Variants in CPEB3 observed in about 807,000 individuals in gnomAD.
CPEB3 encodes cytoplasmic polyadenylation element binding protein 3.
Under a neutral mutation model 67.2 loss-of-function variants are expected in CPEB3, and 20 were observed. That is an observed-to-expected ratio of 0.30 (90% CI 0.21 to 0.43). CPEB3 has a LOEUF of 0.43. CPEB3 is among the 20% of genes least tolerant of loss of function. The pLI is 1.00. For missense variants in CPEB3, 746 were observed against 968.6 expected, an observed-to-expected ratio of 0.77 and a Z score of 3.05; for synonymous variants, 376 against 393.1, an observed-to-expected ratio of 0.96 and a Z score of 0.51.
intron 1 of CPEB3, among the ~76,000 whole-genome samples, chr10:92,262,798 G>A (rs1852863944): frequency 6.6e-6 from 1 of 152,136 alleles, no homozygotes; most frequent in African/African-American, 2.4e-5. Flanking sequence ...TAAATAATTA[G>A]AATCATAAAA....
chr10:92,242,152 A>G (rs1288513849), intron 1 of CPEB3, among the ~76,000 whole-genome samples: 2 of 152,216 alleles, frequency 1.3e-5, no homozygotes, highest in African/African-American at 2.4e-5. Context: ...CTTTTATTTC[A>G]AAGTTTCATA....
chr10:92,249,840 G>A (rs191848063), intron 1 of CPEB3, among the ~76,000 whole-genome samples: 15 of 151,490 alleles, frequency 9.9e-5, no homozygotes, highest in Admixed American at 2.6e-4. Flanking sequence ...GGTCAACATG[G>A]TGAAACCCTG....
intron 2 of CPEB3, among the ~76,000 whole-genome samples, chr10:92,208,176 G>A (rs1252997726): frequency 6.6e-6 from 1 of 152,204 alleles, no homozygotes; most frequent in Non-Finnish European, 1.5e-5. Flanking sequence ...TTTGTAGCCT[G>A]AGTATGCTAG....
chr10:92,049,767 A>G lies in CPEB3; in HGVS notation c.*2445T>C, dbSNP rs1852223746. On this transcript the variant is annotated 3_prime_UTR_variant, in exon 10 of 10. Coordinates refer to ENST00000265997, the MANE Select transcript of CPEB3 (RefSeq NM_014912.5). ...AATCTCAGTGTTATTTTAATACATG[A>G]AAGAGGGGTGCTTCTTCAAAAAGTT... The G allele has an allele frequency of 6.6e-6, 1 of 152,604 alleles. No individual in the cohort carries two copies. Among genetic ancestry groups the G allele is most frequent in the South Asian group, 2.1e-4 (1 of 4,826 alleles). The allele number at this position is 152,604 out of a possible 1,614,324, so 9.5% of individuals were successfully genotyped here.
intron 9 of CPEB3, among the ~76,000 whole-genome samples, chr10:92,080,169 TGCACTCCAGCCTG>T (rs1843088256): frequency 2.7e-5 from 4 of 149,200 alleles, no homozygotes; most frequent in African/African-American, 1.0e-4. Flanking sequence ...ATTGCGCCAC[TGCACTCCAGCCTG>T]GGTGACTGAG....
chr10:92,057,274 G>A (rs946150400), intron 9 of CPEB3, among the ~76,000 whole-genome samples: 1 of 152,192 alleles, frequency 6.6e-6, no homozygotes, highest in Non-Finnish European at 1.5e-5. Context: ...TACTTACCAC[G>A]AGCTGACTTA....
At chr10:92,126,124 T>C (rs1845599993) in intron 6 of CPEB3, among the ~76,000 whole-genome samples, 1 of 152,168 alleles carries the variant, frequency 6.6e-6, no homozygotes, top group Non-Finnish European at 1.5e-5. Flanking sequence ...GTCAATCAAA[T>C]TCCCTCTCTC....
At chr10:92,290,418 G>C (rs754875475) in intron 1 of CPEB3, among the ~76,000 whole-genome samples, 4 of 151,938 alleles carry the variant, frequency 2.6e-5, no homozygotes, top group African/African-American at 7.3e-5. Context: ...ACCAGCAGCA[G>C]AGAGAGAAAC....
chr10:92,189,146 C>T (rs781726624), intron 3 of CPEB3, among the ~76,000 whole-genome samples: 15 of 152,184 alleles, frequency 9.9e-5, no homozygotes, highest in Non-Finnish European at 1.9e-4. Context: ...TCTTAAAGTA[C>T]TAGATATCCT....
chr10:92,051,494 G>C lies in CPEB3; in HGVS notation c.*718C>G, dbSNP rs927939564. ...TATCCTAGCCTGAATAGAGTATTAT[G>C]GTATTAATAATACCATTTTAATAGC... On this transcript the variant is annotated 3_prime_UTR_variant, in exon 10 of 10. Transcript: ENST00000265997. 3.9e-5 allele frequency: 6 copies of C among 152,388 alleles called. No individual in the cohort carries two copies. The highest frequency in any genetic ancestry group is 1.4e-4 in the African/African-American group (6 of 41,392). 9.4% of individuals were successfully genotyped at this position (152,388 alleles called of 1,614,324 possible). A position where few individuals can be genotyped will look rare whatever the true frequency, so the allele number is the denominator to read the frequency against.
At chr10:92,113,917 T>C (rs1253438129) in intron 6 of CPEB3, among the ~76,000 whole-genome samples, 2 of 152,220 alleles carry the variant, frequency 1.3e-5, no homozygotes, top group African/African-American at 4.8e-5. Context: ...GAAATATCTA[T>C]AAACAATTTC....
chr10:92,124,569 TCAC>T (rs977541444), intron 6 of CPEB3, among the ~76,000 whole-genome samples: 28 of 151,974 alleles, frequency 1.8e-4, no homozygotes, highest in South Asian at 6.2e-4. Flanking sequence ...GGTTCATAAA[TCAC>T]CAAACAGTGT....
intron 2 of CPEB3, among the ~76,000 whole-genome samples, chr10:92,197,454 T>C (rs1373331098): frequency 1.3e-5 from 2 of 152,210 alleles, no homozygotes; most frequent in Non-Finnish European, 2.9e-5. Flanking sequence ...ATGACAAAAG[T>C]TGCAAGTGGC....
At chr10:92,259,601 CAA>C (rs34744393) in intron 1 of CPEB3, among the ~76,000 whole-genome samples, 118 of 143,866 alleles carry the variant, frequency 8.2e-4, no homozygotes, top group Admixed American at 9.6e-4. Flanking sequence ...AATTCCATCT[CAA>C]AAAAAAAAAA....
At chr10:92,185,593 T>A (rs1199782355) in intron 3 of CPEB3, among the ~76,000 whole-genome samples, 1 of 152,240 alleles carries the variant, frequency 6.6e-6, no homozygotes, top group Non-Finnish European at 1.5e-5. Flanking sequence ...ATTACGAAAG[T>A]CATCTCTTTA....
intron 7 of CPEB3, among the ~76,000 whole-genome samples, chr10:92,098,322 T>C (rs940477284): frequency 3.3e-5 from 5 of 152,114 alleles, no homozygotes; most frequent in Non-Finnish European, 7.4e-5. Context: ...CTTACTCTTT[T>C]TTTGAGACGG....
intron 1 of CPEB3, among the ~76,000 whole-genome samples, chr10:92,248,565 G>C (rs1201923403): frequency 6.6e-6 from 1 of 152,122 alleles, no homozygotes; most frequent in African/African-American, 2.4e-5. Flanking sequence ...GATGAATAAA[G>C]CATAGTTTTT....
rs775611300 is a variant in CPEB3, at chr10:92,239,535, G to A, written c.816C>T (p.Val272=). ...CGACACCCACACCCACGCCCACACC[G>A]ACCGCCCGGCGAGGGTCCCGGCCCG... ...LQAGRDPRRA[V]GVGVGVGVGV... The change falls in exon 2 of 10, where the codon GTC becomes GTT. Residue 272 remains valine (V), a synonymous_variant. Coordinates refer to ENST00000265997, the MANE Select transcript of CPEB3 (RefSeq NM_014912.5). This position sits in a 1 kb window ranked among gnomAD's most constrained non-coding sequence, Gnocchi z 6.0. 2.6e-6 allele frequency: 4 copies of A among 1,559,966 alleles called. No homozygotes were observed. Among genetic ancestry groups the A allele is most frequent in the South Asian group, 2.3e-5 (2 of 85,228 alleles).
At chr10:92,220,836 T>C (rs1468681652) in intron 2 of CPEB3, among the ~76,000 whole-genome samples, 2 of 152,176 alleles carry the variant, frequency 1.3e-5, no homozygotes, top group African/African-American at 2.4e-5. Context: ...CTGTAAGTAG[T>C]AGATAATTGG....
Sources: gnomAD v4.1 joint callset for allele counts (sites outside exome capture counted in the v4.1 genomes callset) on GRCh38, gnomAD v4.1.1 for gene constraint, Gnocchi (gnomAD v3.1) non-coding constraint, MANE v1.5 for transcripts, NCBI Gene and HGNC (gene_info 2026-07-23, HGNC 2026-07-21) for gene names.